The following KIAA1210 variants were observed in gnomAD, a reference collection of about 807,000 sequenced individuals.
KIAA1210 encodes the protein acrosomal protein KIAA1210.
A neutral mutation model predicts 78.9 loss-of-function variants in KIAA1210; 48 were observed. That is an observed-to-expected ratio of 0.61 (90% CI 0.48 to 0.77). The LOEUF (loss-of-function observed/expected upper bound fraction) is 0.77. Among genes scored for constraint, KIAA1210 ranks in the 30% least tolerant of loss-of-function variants. KIAA1210 has a pLI of 0.00. For synonymous variants in KIAA1210, 406 were observed against 404.5 expected, an observed-to-expected ratio of 1.00 and a Z score of -0.04; for missense variants, 1,108 against 1,100.0, an observed-to-expected ratio of 1.01 and a Z score of -0.10.
At chrX:119,091,665 A>C (rs1200577798) in intron 8 of KIAA1210, among the ~76,000 whole-genome samples, 1 of 111,639 alleles carries the variant, frequency 9.0e-6, no homozygotes, top group East Asian at 2.8e-4. Flanking sequence ...GGGGTTTCAT[A>C]CCCAGCATAC....
chrX:119,087,497 C>A lies in KIAA1210; in HGVS notation c.3205G>T (p.Ala1069Ser), dbSNP rs1927189398. 8.3e-7 allele frequency: 1 copy of A among 1,210,601 alleles called. No individual in the cohort carries two copies. Among genetic ancestry groups the A allele is most frequent in the Non-Finnish European group, 1.1e-6 (1 of 895,032 alleles). Residue 1069 changes from alanine to serine, a missense_variant, in exon 9 of 12, where the codon GCT becomes TCT. Ala to Ser is a moderately conservative substitution (Grantham distance 99). Coordinates refer to ENST00000691062, the MANE Select transcript of KIAA1210 (RefSeq NM_001394962.1). ...GAAGAAATGCCTCCCTTAGGATTAG[C>A]ACTCCCTGAATCTGAGAAAACTTGG... ...KHQVFSDSGS[A>S]NPKGGISSKM...
intron 10 of KIAA1210, 93 bp downstream of exon 10, chrX:119,085,290 G>A (rs1048036754): frequency 1.3e-6 from 1 of 790,784 alleles, no homozygotes; most frequent in African/African-American, 2.1e-5. Context: ...CAAAGAGAGG[G>A]GGAGCTGCAT....
chrX:119,116,646 A>C lies in KIAA1210; in HGVS notation c.80T>G (p.Phe27Cys). The C allele has an allele frequency of 8.3e-7, 1 of 1,202,882 alleles. No homozygotes were observed. Among genetic ancestry groups the C allele is most frequent in the South Asian group, 1.8e-5 (1 of 55,504 alleles). ...AGDEGKKKCK[F>C]KALKSFFVKK... is the part of the protein sequence containing the mutation. ...AACAAAAAAGCTCTTAAGGGCTTTA[A>C]ATTTGCATTTCTTCTTTCCTGGAAG... Residue 27 changes from phenylalanine (F) to cysteine (C), a missense_variant, in exon 3 of 12, where the codon TTT becomes TGT. By Grantham distance (205) the Phe-to-Cys change is radical. This residue lies in a region of KIAA1210 where 672 missense variants were observed against 607.1 expected (regional missense o/e 1.11). Coordinates refer to ENST00000691062, the MANE Select transcript of KIAA1210 (RefSeq NM_001394962.1).
upstream of KIAA1210, among the ~76,000 whole-genome samples, chrX:119,129,490 A>G (rs1238918480): frequency 9.0e-6 from 1 of 111,495 alleles, no homozygotes; most frequent in Non-Finnish European, 1.9e-5. Flanking sequence ...ATATATTATT[A>G]AAATAAAAAG....
intron 2 of KIAA1210, among the ~76,000 whole-genome samples, chrX:119,144,137 G>A (rs999431416): frequency 1.8e-5 from 2 of 112,060 alleles, no homozygotes; most frequent in Non-Finnish European, 3.8e-5. Flanking sequence ...AGCCTGGGAG[G>A]CAGGTTTGCC....
chrX:119,133,671 C>A (rs368926779), intron 2 of KIAA1210, among the ~76,000 whole-genome samples: 1 of 95,522 alleles, frequency 1.0e-5, no homozygotes, highest in African/African-American at 4.0e-5. Flanking sequence ...TCTTTTCTTT[C>A]TTTTTTTTTT....
At chrX:119,150,614 C>A, upstream of KIAA1210, 1 of 1,164,988 alleles carries the variant, frequency 8.6e-7, no homozygotes, top group Admixed American at 2.4e-5. Context: ...TCTGTGTCCC[C>A]CGACCTGCCG....
intron 2 of KIAA1210, among the ~76,000 whole-genome samples, chrX:119,140,206 T>C (rs1302955043): frequency 1.8e-5 from 2 of 111,709 alleles, no homozygotes; most frequent in Admixed American, 9.5e-5. Flanking sequence ...TTTCAGATTG[T>C]TTAGAAACCA....
chrX:119,080,778 A>T lies in KIAA1210; in HGVS notation c.*551T>A, dbSNP rs1172945103. On this transcript the variant is annotated 3_prime_UTR_variant, in exon 12 of 12. Coordinates refer to ENST00000691062, the MANE Select transcript of KIAA1210 (RefSeq NM_001394962.1). ...CTGGCAGTGACTACGTGGAAGGTTAAGCATTCATGGCATTTATTTCATTCA... is the reference window on the plus strand; with the variant it reads ...CTGGCAGTGACTACGTGGAAGGTTATGCATTCATGGCATTTATTTCATTCA... The T allele has an allele frequency of 3.6e-5, 4 of 112,425 alleles. No homozygotes were observed. Among genetic ancestry groups the T allele is most frequent in the African/African-American group, 1.3e-4 (4 of 30,939 alleles). 9.3% of individuals were successfully genotyped at this position (112,425 alleles called of 1,213,427 possible).
Position 119,088,182 on chromosome X carries a change from TGG to T in KIAA1210, c.2518_2519del (p.Pro840ThrfsTer25). 8.3e-7 allele frequency: 1 copy of T among 1,210,525 alleles called. No homozygotes were observed. Among genetic ancestry groups the T allele is most frequent in the South Asian group, 1.8e-5 (1 of 56,900 alleles). On this transcript the variant is annotated frameshift_variant, in exon 9 of 12. Transcript: ENST00000691062. LOFTEE classifies it high-confidence loss of function. ...IAVERVISVE[P>X]LLPRYSPQSL... The stretch of plus-strand genomic sequence containing the variant: ...ACTGAGGAGAATATCTGGGGAGTAG[TGG>T]CTCCACAGAAATGACTCTCTCAACA...
At chrX:119,097,890 T>C (rs1419733591) in intron 6 of KIAA1210, among the ~76,000 whole-genome samples, 1 of 112,056 alleles carries the variant, frequency 8.9e-6, no homozygotes, top group Non-Finnish European at 1.9e-5. Flanking sequence ...AGATTTCCTT[T>C]ACTTCTTTGT....
intron 7 of KIAA1210, 55 bp from the exon 8 acceptor site, chrX:119,093,830 C>A: frequency 9.6e-7 from 1 of 1,038,199 alleles, no homozygotes. Context: ...CCAACCACGC[C>A]TGCATGGTTG....
At chrX:119,134,506 G>A (rs1057054618) in intron 2 of KIAA1210, among the ~76,000 whole-genome samples, 3 of 112,206 alleles carry the variant, frequency 2.7e-5, no homozygotes, top group Non-Finnish European at 5.6e-5. Flanking sequence ...AGACATACCA[G>A]GGAGAGAAGA....
chrX:119,118,856 G>A (rs1049003970), intron 2 of KIAA1210, among the ~76,000 whole-genome samples: 1 of 112,403 alleles, frequency 8.9e-6, no homozygotes, highest in African/African-American at 3.2e-5. Flanking sequence ...CTGGGTATCC[G>A]TGAGAAAGAA....
chrX:119,098,096 C>T (rs1927613141), intron 6 of KIAA1210, among the ~76,000 whole-genome samples: 1 of 111,412 alleles, frequency 9.0e-6, no homozygotes, highest in African/African-American at 3.3e-5. Flanking sequence ...ATCTATGCTC[C>T]CACTAACCTC....
intron 2 of KIAA1210, among the ~76,000 whole-genome samples, chrX:119,143,559 C>G (rs1929098977): frequency 8.9e-6 from 1 of 112,381 alleles, no homozygotes; most frequent in African/African-American, 3.2e-5. Flanking sequence ...GTTCAGACTG[C>G]TCTTTTGGAC....
At chrX:119,107,963 C>T (rs1927942020) in intron 5 of KIAA1210, among the ~76,000 whole-genome samples, 1 of 111,888 alleles carries the variant, frequency 8.9e-6, no homozygotes, top group Non-Finnish European at 1.9e-5. Flanking sequence ...ATACATGCTA[C>T]ATTATGTAGG....
At chrX:119,105,589 C>T (rs1411875413) in intron 5 of KIAA1210, among the ~76,000 whole-genome samples, 1 of 112,267 alleles carries the variant, frequency 8.9e-6, no homozygotes, top group African/African-American at 3.2e-5. Context: ...CCAAACTGCA[C>T]TCTTTGCTCC....
At position 119,109,310 on chromosome X, in the gene KIAA1210, G is replaced by A. The variant is rs977621986; in HGVS notation, c.231-108C>T. 13 of 754,415 alleles carry A rather than the reference G, an allele frequency of 1.7e-5. No individual in the cohort carries two copies. In the African/African-American group the frequency reaches 2.4e-4, roughly 14 times the overall value. 62.2% of individuals were successfully genotyped at this position (754,415 alleles called of 1,213,427 possible). ...CCATAGATACCTCAGAAGGAGAGCA[G>A]GGATGCATATGTGCTGACATAGAAA... On this transcript the variant is annotated intron_variant, in intron 3 of 11. Transcript: ENST00000691062.
Sources: allele counts gnomAD v4.1 joint callset (sites outside exome capture counted in the v4.1 genomes callset), GRCh38; gene constraint gnomAD v4.1.1; regional missense constraint gnomAD v4.1.1; transcripts MANE v1.5; gene names NCBI Gene and HGNC (gene_info 2026-07-23, HGNC 2026-07-21).